TMEM266: variants seen among roughly 807,000 people sequenced by gnomAD.
TMEM266 encodes the protein Hv1 related protein 1.
TMEM266 carries 33 observed loss-of-function variants against 50.5 expected under a neutral mutation model. That is an observed-to-expected ratio of 0.65 (90% CI 0.50 to 0.87). The LOEUF (loss-of-function observed/expected upper bound fraction) is 0.87. Among genes scored for constraint, TMEM266 ranks in the 40% least tolerant of loss-of-function variants. The pLI, the probability that TMEM266 is intolerant of heterozygous loss-of-function variation, is 0.00. For missense variants in TMEM266, 655 were observed against 695.1 expected, an observed-to-expected ratio of 0.94 and a Z score of 0.65; for synonymous variants, 310 against 292.3, an observed-to-expected ratio of 1.06 and a Z score of -0.62.
intron 1 of TMEM266, among the ~76,000 whole-genome samples, chr15:76,065,960 C>T (rs1255100139): frequency 1.3e-5 from 2 of 152,080 alleles, no homozygotes; most frequent in Admixed American, 6.6e-5. Flanking sequence ...GGAAGAATGC[C>T]GAGGGGTGCC....
At chr15:76,178,899 CG>C in intron 8 of TMEM266, 1 of 152,330 alleles carries the variant, frequency 6.6e-6, no homozygotes, top group Non-Finnish European at 1.5e-5. Context: ...GTGGGGCCAC[CG>C]GGGAGGGTGG....
chr15:76,125,195 A>G (rs1567159716), intron 1 of TMEM266, among the ~76,000 whole-genome samples: 1 of 152,138 alleles, frequency 6.6e-6, no homozygotes, highest in Non-Finnish European at 1.5e-5. Flanking sequence ...ACCCTAGAGG[A>G]AAACATATGG....
intron 7 of TMEM266, among the ~76,000 whole-genome samples, chr15:76,172,509 G>C (rs1188080048): frequency 6.6e-6 from 1 of 152,220 alleles, no homozygotes; most frequent in African/African-American, 2.4e-5. Context: ...CCCTCTCCCT[G>C]GGCCTCACCC....
At chr15:76,187,877 T>A (rs987391286) in intron 8 of TMEM266, among the ~76,000 whole-genome samples, 4 of 152,192 alleles carry the variant, frequency 2.6e-5, no homozygotes, top group African/African-American at 9.7e-5. Context: ...GTTCATGTAT[T>A]CAGCAACGTT....
At chr15:76,162,419 G>A (rs1389326741) in intron 5 of TMEM266, among the ~76,000 whole-genome samples, 1 of 152,202 alleles carries the variant, frequency 6.6e-6, no homozygotes, top group Non-Finnish European at 1.5e-5. Context: ...GTTACTAGAA[G>A]GGTCTCATGG....
chr15:76,166,718 T>C (rs1268882271), intron 5 of TMEM266, among the ~76,000 whole-genome samples: 1 of 152,188 alleles, frequency 6.6e-6, no homozygotes, highest in Non-Finnish European at 1.5e-5. Flanking sequence ...TAAAGAAGCA[T>C]GATGATTCCT....
rs184395372 is a variant in TMEM266, at chr15:76,162,894, G to T, written c.456+2726G>T. ...TTAATACCCAGGGATGTGGCTGTGG[G>T]CCGAGGGTGGGGCGGCACTCCGAGC... On this transcript the variant is annotated intron_variant, in intron 5 of 10. Coordinates refer to ENST00000388942, the MANE Select transcript of TMEM266 (RefSeq NM_152335.3). Among the ~76,000 whole-genome samples, 260 of 152,328 alleles carry T rather than the reference G, an allele frequency of 1.7e-3. 6 individuals carry two copies. The East Asian group carries it at 0.047, about 28-fold the overall frequency.
intron 1 of TMEM266, among the ~76,000 whole-genome samples, chr15:76,132,577 C>T (rs1294342055): frequency 6.6e-6 from 1 of 150,654 alleles, no homozygotes; most frequent in Non-Finnish European, 1.5e-5. Context: ...GGGCGGATCA[C>T]TTGAGGTAAG....
intron 3 of TMEM266, among the ~76,000 whole-genome samples, chr15:76,148,633 TC>T (rs917663894): frequency 2.0e-5 from 3 of 152,180 alleles, no homozygotes; most frequent in Admixed American, 1.3e-4. Flanking sequence ...GTGTCCTTTG[TC>T]CCCCCAAGAA....
chr15:76,130,600 C>G (rs928871925), intron 1 of TMEM266, among the ~76,000 whole-genome samples: 3 of 152,256 alleles, frequency 2.0e-5, no homozygotes, highest in Admixed American at 2.0e-4. Flanking sequence ...TAAAAGGAAT[C>G]CTTCTCCTCG....
chr15:76,177,248 C>T (rs2038299228), intron 8 of TMEM266, among the ~76,000 whole-genome samples: 1 of 152,272 alleles, frequency 6.6e-6, no homozygotes, highest in Non-Finnish European at 1.5e-5. Context: ...GTCCAACTCA[C>T]ATCCGGCCCC....
intron 9 of TMEM266, among the ~76,000 whole-genome samples, chr15:76,199,832 C>T (rs921898564): frequency 6.8e-6 from 1 of 146,456 alleles, no homozygotes; most frequent in South Asian, 2.4e-4. Flanking sequence ...GCTGGGAAAC[C>T]AGGGAGGGGT....
Position 76,073,919 on chromosome 15 carries a change from G to A in TMEM266, c.-97+13903G>A, listed in dbSNP as rs547263514. On this transcript the variant is annotated intron_variant, in intron 1 of 10. Transcript: ENST00000388942. ...GTCCAGTTCTTGTGGAGATGAGGCC[G>A]TTGAAATTGACCACACTCAATGGGA... is the stretch of plus-strand genomic sequence containing the variant. Among the ~76,000 whole-genome samples, 14 of 151,290 alleles carry A rather than the reference G, an allele frequency of 9.3e-5. 1 individual carries two copies. Among genetic ancestry groups the A allele is most frequent in the African/African-American group, 3.2e-4 (13 of 40,562 alleles).
chr15:76,159,021 T>TG (rs113301225), intron 4 of TMEM266, among the ~76,000 whole-genome samples: 80 of 152,124 alleles, frequency 5.3e-4, no homozygotes, highest in East Asian at 1.4e-3. Context: ...CCCTTGGCCC[T>TG]GGGGGGGGTT....
At chr15:76,173,878 A>G (rs2142063061) in intron 7 of TMEM266, among the ~76,000 whole-genome samples, 1 of 151,504 alleles carries the variant, frequency 6.6e-6, no homozygotes, top group South Asian at 2.1e-4. Context: ...GGTTGCAGTG[A>G]GCTGAGATCA....
chr15:76,125,138 A>T (rs993329745), intron 1 of TMEM266, among the ~76,000 whole-genome samples: 1 of 152,282 alleles, frequency 6.6e-6, no homozygotes, highest in South Asian at 2.1e-4. Flanking sequence ...TATTTACATT[A>T]AAAAAGTAAT....
chr15:76,157,329 G>A (rs1212386278), intron 4 of TMEM266, among the ~76,000 whole-genome samples: 2 of 152,208 alleles, frequency 1.3e-5, no homozygotes, highest in African/African-American at 2.4e-5. Flanking sequence ...CCATATTATA[G>A]ACGAGGCAAA....
chr15:76,147,410 T>C (rs925337166), intron 3 of TMEM266, among the ~76,000 whole-genome samples: 1 of 152,174 alleles, frequency 6.6e-6, no homozygotes, highest in African/African-American at 2.4e-5. Flanking sequence ...CGGCATCATA[T>C]GATTTAGGAT....
chr15:76,174,337 G>A (rs1442935419), intron 7 of TMEM266, among the ~76,000 whole-genome samples: 2 of 152,070 alleles, frequency 1.3e-5, no homozygotes, highest in Admixed American at 6.6e-5. Flanking sequence ...GATCACTAGA[G>A]GTCAGGAGTT....
Sources: gnomAD v4.1 joint callset for allele counts (sites outside exome capture counted in the v4.1 genomes callset) on GRCh38, gnomAD v4.1.1 for gene constraint, MANE v1.5 for transcripts, NCBI Gene and HGNC (gene_info 2026-07-23, HGNC 2026-07-21) for gene names.